The following AFAP1L2 variants were observed in gnomAD, a reference collection of about 807,000 sequenced individuals.
The protein encoded by AFAP1L2 is actin filament-associated protein 1-like 2.
A neutral mutation model predicts 99.3 loss-of-function variants in AFAP1L2; 46 were observed. The observed-to-expected ratio is 0.46, with a 90% CI of 0.37 to 0.59. The LOEUF (loss-of-function observed/expected upper bound fraction) is 0.59. AFAP1L2 is among the 20% of genes least tolerant of loss of function. The pLI, the probability that AFAP1L2 is intolerant of heterozygous loss-of-function variation, is 0.00. For synonymous variants in AFAP1L2, 397 were observed against 419.1 expected, an observed-to-expected ratio of 0.95 and a Z score of 0.64; for missense variants, 959 against 1,034.9, an observed-to-expected ratio of 0.93 and a Z score of 1.01.
intron 1 of AFAP1L2, among the ~76,000 whole-genome samples, chr10:114,354,461 GTCTA>G (rs2051008385): frequency 1.3e-5 from 2 of 152,128 alleles, no homozygotes; most frequent in Admixed American, 6.5e-5. Flanking sequence ...TAATCATTTG[GTCTA>G]TTTTTCTCCT....
intron 1 of AFAP1L2, among the ~76,000 whole-genome samples, chr10:114,365,171 T>A (rs2053033988): frequency 6.6e-6 from 1 of 152,186 alleles, no homozygotes; most frequent in Admixed American, 6.5e-5. Flanking sequence ...GCCTCTCCTC[T>A]CCTACTTCCC....
At chr10:114,343,160 C>T (rs886716675) in intron 1 of AFAP1L2, among the ~76,000 whole-genome samples, 3 of 152,178 alleles carry the variant, frequency 2.0e-5, no homozygotes, top group African/African-American at 7.2e-5. Flanking sequence ...AAAAGCATCT[C>T]CTCTACTTAT....
chr10:114,295,816 C>A lies in AFAP1L2; in HGVS notation c.*226G>T. On this transcript the variant is annotated 3_prime_UTR_variant, in exon 19 of 19. Transcript: ENST00000304129. ...CCTAAATACAACGTCTTGTTTACATCCAATAGACTTAGGTCTCCAAAGAAG... is the reference window on the plus strand; with the variant it reads ...CCTAAATACAACGTCTTGTTTACATACAATAGACTTAGGTCTCCAAAGAAG... 1 of 1,359,404 alleles carries A rather than the reference C, an allele frequency of 7.4e-7. No homozygotes were observed. The highest frequency in any genetic ancestry group is 1.9e-5 in the South Asian group (1 of 51,312). 84.2% of individuals were successfully genotyped at this position (1,359,404 alleles called of 1,614,324 possible).
At chr10:114,404,774 T>C (rs1349735632), upstream of AFAP1L2, 1 of 291,940 alleles carries the variant, frequency 3.4e-6, no homozygotes, top group Non-Finnish European at 6.3e-6. Flanking sequence ...ACGTCTTGAC[T>C]CCGGGGGCGT....
In AFAP1L2 at chr10:114,399,794, T is replaced by C. The variant is rs186324406; in HGVS notation, c.16+4646A>G. Among the ~76,000 whole-genome samples, 87 of 152,322 alleles carry C rather than the reference T, an allele frequency of 5.7e-4. No homozygotes were observed. The East Asian group carries it at 0.016, about 28-fold the overall frequency. On this transcript the variant is annotated intron_variant, in intron 1 of 18. Coordinates refer to ENST00000304129, the MANE Select transcript of AFAP1L2 (RefSeq NM_001001936.3). ...ATTTATAAGAATCACAATCCTAAAC[T>C]GACCTTTGCTGGGCTACCCACCCAC...
the AFAP1L2 span, among the ~76,000 whole-genome samples, chr10:114,282,017 C>CTTTTTTTTTTTTTTTTTTTTT: frequency 5.8e-5 from 7 of 119,702 alleles, no homozygotes; most frequent in Admixed American, 9.1e-5. Flanking sequence ...CTTATGTTAC[C>CTTTTTTTTTTTTTTTTTTTTT]TTTTTTTTTT....
At chr10:114,325,344 G>C (rs1369378294) in intron 4 of AFAP1L2, among the ~76,000 whole-genome samples, 1 of 152,192 alleles carries the variant, frequency 6.6e-6, no homozygotes, top group Non-Finnish European at 1.5e-5. Flanking sequence ...GGCAGTTAAT[G>C]TGACAGGCAG....
chr10:114,312,349 T>G (rs1326765261), intron 7 of AFAP1L2, among the ~76,000 whole-genome samples: 1 of 152,040 alleles, frequency 6.6e-6, no homozygotes, highest in Non-Finnish European at 1.5e-5. Flanking sequence ...TGTGCATTTG[T>G]CCGTGTGTGT....
intron 1 of AFAP1L2, among the ~76,000 whole-genome samples, chr10:114,349,861 G>A (rs1460914803): frequency 2.6e-5 from 4 of 152,096 alleles, no homozygotes; most frequent in Non-Finnish European, 5.9e-5. Context: ...CTCTGCTCCC[G>A]CCAAGCCTGG....
the AFAP1L2 span, chr10:114,280,748 T>C: frequency 6.6e-6 from 1 of 152,136 alleles, no homozygotes; most frequent in Non-Finnish European, 1.5e-5. Context: ...GTTTTTATTA[T>C]TATTTTTTTG....
intron 1 of AFAP1L2, among the ~76,000 whole-genome samples, chr10:114,393,938 T>G (rs930736663): frequency 2.6e-5 from 4 of 152,210 alleles, no homozygotes; most frequent in African/African-American, 7.2e-5. Context: ...ATGCTCCCCC[T>G]GGGAGGACAC....
At chr10:114,371,600 G>C (rs950419414) in intron 1 of AFAP1L2, among the ~76,000 whole-genome samples, 3 of 151,718 alleles carry the variant, frequency 2.0e-5, no homozygotes, top group Non-Finnish European at 4.4e-5. Flanking sequence ...TCATAAGTGG[G>C]AGTTGAACAA....
chr10:114,338,995 T>C (rs1298734028), intron 2 of AFAP1L2, among the ~76,000 whole-genome samples: 1 of 152,218 alleles, frequency 6.6e-6, no homozygotes, highest in African/African-American at 2.4e-5. Context: ...GGTTAAACTC[T>C]CCAGGTCTCA....
the AFAP1L2 span, chr10:114,286,119 T>A: frequency 6.2e-7 from 1 of 1,614,110 alleles, no homozygotes; most frequent in Non-Finnish European, 8.5e-7. Context: ...GAGCTGCTGG[T>A]GGCGGTGCCT....
At chr10:114,296,749 C>T in intron 18 of AFAP1L2, 1 of 561,664 alleles carries the variant, frequency 1.8e-6, no homozygotes, top group Non-Finnish European at 3.0e-6. Context: ...GAAGCATCCC[C>T]AAGCTCACAG....
chr10:114,400,848 T>G (rs2058164293), intron 1 of AFAP1L2, among the ~76,000 whole-genome samples: 1 of 152,156 alleles, frequency 6.6e-6, no homozygotes, highest in African/African-American at 2.4e-5. Context: ...TTTTGAAAGC[T>G]CCACAGATGA....
chr10:114,368,290 G>A (rs1227343856), intron 1 of AFAP1L2, among the ~76,000 whole-genome samples: 1 of 152,170 alleles, frequency 6.6e-6, no homozygotes, highest in Non-Finnish European at 1.5e-5. Flanking sequence ...CTGGGGGTGG[G>A]GGAAATGGAG....
At position 114,380,002 on chromosome 10, in the gene AFAP1L2, C is replaced by T. The variant is rs2055391933; in HGVS notation, c.16+24438G>A. The stretch of plus-strand genomic sequence containing the variant: ...GTGAGGCGGCAGGGGCGGGGGAATC[C>T]CAAACTCCATCCCTTCCAGGGATCT... On this transcript the variant is annotated intron_variant, in intron 1 of 18. Transcript: ENST00000304129. 2.0e-5 allele frequency among the ~76,000 whole-genome samples: 3 copies of T among 152,190 alleles called. No homozygotes were observed. The South Asian group carries it at 6.2e-4, about 32-fold the overall frequency.
rs2041175896 is a variant in AFAP1L2 at position 114,301,452 on chromosome 10, TTC to T, written c.1442_1443del (p.Arg481LysfsTer14). ...ATGTAAGTGTTGGGCTCTGAGAACTTTCTCTGCATCAGTCTGGAAACAGGGCG... is the reference window on the plus strand; with the variant it reads ...ATGTAAGTGTTGGGCTCTGAGAACTTTCTGCATCAGTCTGGAAACAGGGCG... Reference protein sequence around the residue: ...AAKNSLLLMQRKFSEPNTYID... With the variant: ...AAKNSLLLMQXKFSEPNTYID... On this transcript the variant is annotated frameshift_variant, in exon 13 of 19. Coordinates refer to ENST00000304129, the MANE Select transcript of AFAP1L2 (RefSeq NM_001001936.3). LOFTEE classifies it high-confidence loss of function. The T allele has an allele frequency of 6.2e-7, 1 of 1,613,464 alleles. No individual in the cohort carries two copies. The highest frequency in any genetic ancestry group is 1.3e-5 in the African/African-American group (1 of 74,910).
Sources: allele counts gnomAD v4.1 joint callset (sites outside exome capture counted in the v4.1 genomes callset), GRCh38; gene constraint gnomAD v4.1.1; transcripts MANE v1.5; gene names NCBI Gene and HGNC (gene_info 2026-07-23, HGNC 2026-07-21).